The following RIT2 variants were observed in gnomAD, a reference collection of about 807,000 sequenced individuals.
RIT2 encodes the protein GTP-binding protein Rit2.
A neutral mutation model predicts 23.7 loss-of-function variants in RIT2; 24 were observed. That is an observed-to-expected ratio of 1.01 (90% CI 0.73 to 1.43). The LOEUF is 1.43. Ranked by LOEUF, RIT2 falls within the 40% of genes most tolerant of loss-of-function variation. The probability of loss-of-function intolerance (pLI) is 0.00; values close to 1 mark genes in which losing one functional copy is unlikely to be tolerated. For synonymous variants in RIT2, 107 were observed against 91.1 expected (o/e 1.17, Z -0.99); for missense variants, 236 against 266.9 (o/e 0.88, Z 0.81).
chr18:42,821,706 C>T (rs556322222), intron 4 of RIT2, among the ~76,000 whole-genome samples: 1 of 152,128 alleles, frequency 6.6e-6, no homozygotes, highest in Non-Finnish European at 1.5e-5. Flanking sequence ...GACTACTTGC[C>T]CTTCCATTAC....
chr18:42,755,410 C>T (rs186129412), intron 4 of RIT2, among the ~76,000 whole-genome samples: 11 of 152,204 alleles, frequency 7.2e-5, no homozygotes, highest in Non-Finnish European at 1.3e-4. Context: ...CCCTACAGGT[C>T]TCCTCCTGGC....
At chr18:43,042,159 G>T (rs1912142973) in intron 1 of RIT2, among the ~76,000 whole-genome samples, 1 of 152,130 alleles carries the variant, frequency 6.6e-6, no homozygotes. Flanking sequence ...AGGTCACTAA[G>T]ATTTAGCCCC....
chr18:42,813,968 T>C (rs1890776372), intron 4 of RIT2, among the ~76,000 whole-genome samples: 3 of 152,040 alleles, frequency 2.0e-5, no homozygotes, highest in Admixed American at 2.0e-4. Context: ...AAACTGAAGG[T>C]CTAGATTATG....
chr18:42,743,743 TAA>T, intron 4 of RIT2, 23 bp from the exon 5 acceptor site: 1 of 1,513,566 alleles, frequency 6.6e-7, no homozygotes, highest in South Asian at 1.2e-5. Flanking sequence ...CAAATAATAT[TAA>T]AAAGACAGAA....
chr18:43,026,573 T>TAAGAAAGAAAGAAAGA lies in RIT2; in HGVS notation c.160+7222_160+7237dup, dbSNP rs199513808. ...GTCAAAAAAAAAAGTAAGAAATAAATAAGAAAGAAAGAAAGAAAGAAAGAA... is the reference window on the plus strand; with the variant it reads ...GTCAAAAAAAAAAGTAAGAAATAAATAAGAAAGAAAGAAAGAAAGAAAGAAAGAAAGAAAGAAAGAA... On this transcript the variant is annotated intron_variant, in intron 2 of 4. Coordinates refer to ENST00000326695, the MANE Select transcript of RIT2 (RefSeq NM_002930.4). Among the ~76,000 whole-genome samples, 272 of 77,330 alleles carry TAAGAAAGAAAGAAAGA rather than the reference T, an allele frequency of 3.5e-3. 1 individual carries two copies. The highest frequency in any genetic ancestry group is 8.1e-3 in the African/African-American group (184 of 22,580). The allele number at this position is 77,330 out of a possible 152,430, so 50.7% of individuals were successfully genotyped here.
chr18:42,930,617 A>T lies in RIT2; in HGVS notation c.235-6854T>A, dbSNP rs144444636. On this transcript the variant is annotated intron_variant, in intron 3 of 4. Coordinates refer to ENST00000326695, the MANE Select transcript of RIT2 (RefSeq NM_002930.4). ...CCCTGGATCTGGTAGTTGTAATGAC[A>T]GAGATCAGCTGATTGAGAAAATAAA... 8.0e-3 allele frequency among the ~76,000 whole-genome samples: 1,225 copies of T among 152,244 alleles called. 8 individuals are homozygous for T. The highest frequency in any genetic ancestry group is 0.011 in the Non-Finnish European group (728 of 68,012).
At chr18:43,011,713 T>C (rs190556405) in intron 2 of RIT2, among the ~76,000 whole-genome samples, 2 of 151,896 alleles carry the variant, frequency 1.3e-5, no homozygotes, top group South Asian at 2.1e-4. Flanking sequence ...GTCATAAACA[T>C]CCCTCTACAG....
intron 2 of RIT2, among the ~76,000 whole-genome samples, chr18:43,027,188 A>G (rs536022861): frequency 2.6e-5 from 4 of 152,246 alleles, no homozygotes; most frequent in Non-Finnish European, 5.9e-5. Flanking sequence ...AGATGAAAAC[A>G]TGGCTAGAGT....
intron 3 of RIT2, among the ~76,000 whole-genome samples, chr18:42,971,429 C>T (rs1910359102): frequency 6.6e-6 from 1 of 152,002 alleles, no homozygotes; most frequent in Non-Finnish European, 1.5e-5. Flanking sequence ...TTGCCAGTTT[C>T]TCAGTATTAC....
At chr18:43,100,664 A>G (rs540182161) in intron 1 of RIT2, among the ~76,000 whole-genome samples, 1 of 152,278 alleles carries the variant, frequency 6.6e-6, no homozygotes, top group African/African-American at 2.4e-5. Flanking sequence ...ATAGAAGACA[A>G]AACCAAGGAA....
intron 3 of RIT2, among the ~76,000 whole-genome samples, chr18:42,965,471 C>G (rs1479170255): frequency 6.6e-6 from 1 of 152,104 alleles, no homozygotes; most frequent in Non-Finnish European, 1.5e-5. Context: ...AATGTCCTCA[C>G]TAATGTGATC....
At chr18:43,069,237 A>AAGAACTCTC (rs1912844145) in intron 1 of RIT2, among the ~76,000 whole-genome samples, 1 of 141,398 alleles carries the variant, frequency 7.1e-6, no homozygotes, top group African/African-American at 2.6e-5. Flanking sequence ...ATAAACAAGC[A>AAGAACTCTC]TTTTACCTAG....
At chr18:42,804,214 C>T (rs1245470309) in intron 4 of RIT2, among the ~76,000 whole-genome samples, 1 of 152,110 alleles carries the variant, frequency 6.6e-6, no homozygotes, top group Non-Finnish European at 1.5e-5. Context: ...GTAAATTGTA[C>T]AAGAAAGAAC....
intron 1 of RIT2, among the ~76,000 whole-genome samples, chr18:43,102,684 C>T (rs1015706038): frequency 2.6e-5 from 4 of 151,842 alleles, no homozygotes; most frequent in Non-Finnish European, 4.4e-5. Context: ...GACAAAGTCT[C>T]GCTCTGTTGC....
At chr18:43,056,687 GC>G (rs966788207) in intron 1 of RIT2, among the ~76,000 whole-genome samples, 24 of 152,238 alleles carry the variant, frequency 1.6e-4, no homozygotes, top group African/African-American at 4.8e-4. Flanking sequence ...GGGCTTGGGA[GC>G]AAAAGCCAAA....
rs573762423 is a variant in RIT2, at chr18:43,100,884, C to A, written c.103+14533G>T. ...ACTTCAGAATCCCCCAGTGCCATCA[C>A]TGCCTTCTCCCTTCCTTGAAAGGAG... is the stretch of plus-strand genomic sequence containing the variant. On this transcript the variant is annotated intron_variant, in intron 1 of 4. Coordinates refer to ENST00000326695, the MANE Select transcript of RIT2 (RefSeq NM_002930.4). Among the ~76,000 whole-genome samples the A allele has an allele frequency of 7.9e-5, 12 of 151,984 alleles. No individual in the cohort carries two copies. In the East Asian group the frequency reaches 2.3e-3, roughly 30 times the overall value.
chr18:42,919,332 G>A (rs546714479), intron 4 of RIT2, among the ~76,000 whole-genome samples: 1 of 152,248 alleles, frequency 6.6e-6, no homozygotes, highest in African/African-American at 2.4e-5. Flanking sequence ...ACTGTGGGAA[G>A]CAGAGTTTCA....
chr18:43,108,279 A>G (rs549411014), intron 1 of RIT2, among the ~76,000 whole-genome samples: 4 of 152,232 alleles, frequency 2.6e-5, no homozygotes, highest in Admixed American at 6.5e-5. Flanking sequence ...GTAAACATCG[A>G]ACTTAGACAT....
At chr18:42,850,643 A>G (rs1907027965) in intron 4 of RIT2, among the ~76,000 whole-genome samples, 1 of 152,206 alleles carries the variant, frequency 6.6e-6, no homozygotes, top group Admixed American at 6.5e-5. Context: ...AAGATATGTA[A>G]ATAAAGAAAA....
Sources: allele counts gnomAD v4.1 joint callset (sites outside exome capture counted in the v4.1 genomes callset), GRCh38; gene constraint gnomAD v4.1.1; transcripts MANE v1.5; gene names NCBI Gene and HGNC (gene_info 2026-07-23, HGNC 2026-07-21).